GABRA3: variants seen among roughly 807,000 people sequenced by gnomAD.
GABRA3 encodes gamma-aminobutyric acid type A receptor subunit alpha3, also known as gamma-aminobutyric acid receptor subunit alpha-3.
In GABRA3, 10 loss-of-function variants were observed where a neutral mutation model predicts 30.1. The observed-to-expected ratio is 0.33, with a 90% CI of 0.20 to 0.56. The LOEUF (loss-of-function observed/expected upper bound fraction) is 0.56, where lower values mean the gene tolerates loss of function less well. GABRA3 is among the 20% of genes least tolerant of loss of function. GABRA3 has a pLI of 0.89. For synonymous variants in GABRA3, 151 were observed against 146.8 expected (o/e 1.03, Z -0.21); for missense variants, 233 against 392.0 (o/e 0.59, Z 3.42).
chrX:152,275,105 ATAT>A (rs1230076376), intron 4 of GABRA3, among the ~76,000 whole-genome samples: 2 of 76,963 alleles, frequency 2.6e-5, no homozygotes, highest in South Asian at 5.5e-4. Flanking sequence ...CATGTATCAT[ATAT>A]TATTTAATTT....
intron 5 of GABRA3, among the ~76,000 whole-genome samples, chrX:152,233,156 G>GT (rs59809031): frequency 5.7e-4 from 59 of 103,447 alleles, no homozygotes; most frequent in African/African-American, 5.3e-4. Context: ...GGGGTTGTTT[G>GT]TTTTTTTTTT....
chrX:152,411,936 T>C (rs985681602), intron 1 of GABRA3, among the ~76,000 whole-genome samples: 4 of 111,408 alleles, frequency 3.6e-5, no homozygotes, highest in Admixed American at 2.9e-4. Flanking sequence ...GTAAATTATA[T>C]CTCGATAAAG....
At chrX:152,350,848 T>A (rs1045963045) in intron 2 of GABRA3, among the ~76,000 whole-genome samples, 6 of 112,222 alleles carry the variant, frequency 5.3e-5, no homozygotes, top group Non-Finnish European at 1.1e-4. Flanking sequence ...AAATTTCTTC[T>A]TGATCAATGG....
At position 152,440,259 on chromosome X, in the gene GABRA3, A is replaced by G. The variant is rs761054081; in HGVS notation, c.-27+10887T>C. 4.4e-5 allele frequency among the ~76,000 whole-genome samples: 5 copies of G among 112,924 alleles called. No homozygotes were observed. The East Asian group carries it at 1.4e-3, about 31-fold the overall frequency. On this transcript the variant is annotated intron_variant, in intron 1 of 9. Transcript: ENST00000370314. ...GAACACATTTATGCAGCCAACAAAC[A>G]TATGAAAGAAAGCTCATCATCACTG...
chrX:152,257,328 T>A (rs752326817), intron 4 of GABRA3, among the ~76,000 whole-genome samples: 2 of 111,906 alleles, frequency 1.8e-5, no homozygotes, highest in Non-Finnish European at 3.8e-5. Flanking sequence ...AATCTGAGTA[T>A]AACATCTGCC....
intron 7 of GABRA3, among the ~76,000 whole-genome samples, chrX:152,207,088 A>AT (rs1450021560): frequency 2.7e-5 from 3 of 111,499 alleles, no homozygotes; most frequent in East Asian, 5.7e-4. Context: ...TCAAATGTTG[A>AT]TTTTTTTAGG....
chrX:152,250,965 CATT>C, intron 5 of GABRA3: 1 of 204,493 alleles, frequency 4.9e-6, no homozygotes, highest in Non-Finnish European at 9.9e-6. Flanking sequence ...GCAGCAGCTA[CATT>C]ATTATCAGAC....
chrX:152,406,591 T>C (rs111417348), intron 1 of GABRA3, among the ~76,000 whole-genome samples: 4,300 of 105,012 alleles, frequency 0.041, 102 homozygotes, highest in Non-Finnish European at 0.064. Flanking sequence ...TATATATATA[T>C]ATATTTTTAT....
chrX:152,233,548 T>C (rs5969873), intron 5 of GABRA3, among the ~76,000 whole-genome samples: 12,777 of 108,903 alleles, frequency 0.12, 1,301 homozygotes, highest in East Asian at 0.31. Flanking sequence ...CAGGAAACAA[T>C]GGGTACTGGA....
intron 9 of GABRA3, among the ~76,000 whole-genome samples, chrX:152,189,401 T>G (rs1247368169): frequency 8.9e-6 from 1 of 112,002 alleles, no homozygotes; most frequent in Admixed American, 9.5e-5. Context: ...AGAGATGGCC[T>G]TAGAGATTGT....
Position 152,353,066 on chromosome X carries a change from GA to G in GABRA3, c.141-7365del, listed in dbSNP as rs1166677816. ...TTTCTCTTTACAGAAGCTGCTTGAA[GA>G]AAAAAAAAAAGAAGAAGAACTAACC... On this transcript the variant is annotated intron_variant, in intron 2 of 9. Coordinates refer to ENST00000370314, the MANE Select transcript of GABRA3 (RefSeq NM_000808.4). 3.6e-3 allele frequency among the ~76,000 whole-genome samples: 365 copies of G among 101,184 alleles called. 1 individual carries two copies. Among genetic ancestry groups the G allele is most frequent in the Middle Eastern group, 0.015 (3 of 198 alleles). 87.9% of individuals were successfully genotyped at this position (101,184 alleles called of 115,157 possible). A position where few individuals can be genotyped will look rare whatever the true frequency, so the allele number is the denominator to read the frequency against.
At chrX:152,437,021 G>T (rs1412770710) in intron 1 of GABRA3, among the ~76,000 whole-genome samples, 1 of 111,130 alleles carries the variant, frequency 9.0e-6, no homozygotes, top group African/African-American at 3.3e-5. Context: ...ATTTTAAAAT[G>T]GGCAAACGAT....
chrX:152,236,243 T>C (rs1400461904), intron 5 of GABRA3, among the ~76,000 whole-genome samples: 1 of 102,769 alleles, frequency 9.7e-6, no homozygotes, highest in Non-Finnish European at 2.0e-5. Context: ...GAATATGCGG[T>C]GTTTGGTTTT....
rs754539141 is a variant in GABRA3 at position 152,168,582 on chromosome X, A to AG, written c.1144-20dup. The AG allele has an allele frequency of 9.9e-6, 11 of 1,109,843 alleles. No homozygotes were observed. The East Asian group carries it at 1.2e-4, about 12-fold the overall frequency. The allele number at this position is 1,109,843 out of a possible 1,213,427, so 91.5% of individuals were successfully genotyped here. ...TTTTCTTCTAGAGGCCAGGAAAAAG[A>AG]GGGGGGGAAAGGGAGAAAAAAGCAA... is the stretch of plus-strand genomic sequence containing the variant. On this transcript the variant is annotated intron_variant, in intron 9 of 9. Transcript: ENST00000370314.
At chrX:152,252,677 G>A in intron 5 of GABRA3, among the ~76,000 whole-genome samples, 1 of 111,607 alleles carries the variant, frequency 9.0e-6, no homozygotes, top group Middle Eastern at 4.2e-3. Flanking sequence ...AGATGGGTTA[G>A]ATTAATATGC....
intron 4 of GABRA3, among the ~76,000 whole-genome samples, chrX:152,272,179 C>T (rs1201320928): frequency 6.3e-5 from 7 of 111,705 alleles, no homozygotes; most frequent in East Asian, 2.9e-4. Flanking sequence ...ACATCATGCA[C>T]GTGGAAAAGC....
chrX:152,190,230 A>C (rs1937305596), intron 8 of GABRA3, among the ~76,000 whole-genome samples: 1 of 110,290 alleles, frequency 9.1e-6, no homozygotes, highest in Non-Finnish European at 1.9e-5. Context: ...CAGGTAGTCC[A>C]TTTCATTGTA....
At chrX:152,328,554 T>C (rs1045812841) in intron 3 of GABRA3, among the ~76,000 whole-genome samples, 40 of 111,436 alleles carry the variant, frequency 3.6e-4, no homozygotes, top group Non-Finnish European at 7.2e-4. Flanking sequence ...CATACACAAA[T>C]CAATAAACGT....
chrX:152,200,536 T>A (rs1937469761), intron 7 of GABRA3, among the ~76,000 whole-genome samples: 1 of 111,183 alleles, frequency 9.0e-6, no homozygotes, highest in Admixed American at 9.6e-5. Flanking sequence ...TTATCTTCTG[T>A]CTGTGTGCAT....
Sources: allele counts gnomAD v4.1 joint callset (sites outside exome capture counted in the v4.1 genomes callset), GRCh38; gene constraint gnomAD v4.1.1; transcripts MANE v1.5; gene names NCBI Gene and HGNC (gene_info 2026-07-23, HGNC 2026-07-21).